The following OR14A16 variants were observed in gnomAD, a reference collection of about 807,000 sequenced individuals.
The protein encoded by OR14A16 is olfactory receptor 14A16.
For missense variants in OR14A16, 341 were observed against 366.5 expected, an observed-to-expected ratio of 0.93 and a Z score of 0.57; for synonymous variants, 135 against 137.6, an observed-to-expected ratio of 0.98 and a Z score of 0.13.
Position 247,815,190 on chromosome 1 carries a change from G to A in OR14A16, c.540C>T (p.Pro180=). 6.2e-7 allele frequency: 1 copy of A among 1,613,900 alleles called. No individual in the cohort carries two copies. The highest frequency in any genetic ancestry group is 8.5e-7 in the Non-Finnish European group (1 of 1,179,828). The change falls in exon 3 of 3, where the codon CCC becomes CCT. Residue 180 remains proline (P), a synonymous_variant. Coordinates refer to ENST00000641093, the MANE Select transcript of OR14A16 (RefSeq NM_001001966.2). ...CTGAGCAAGAAATAGCTAATAACTGGGGAATGTCACAGAAGAACTGATGGA... is the reference window on the plus strand; with the variant it reads ...CTGAGCAAGAAATAGCTAATAACTGAGGAATGTCACAGAAGAACTGATGGA... ...NMVHQFFCDI[P]QLLAISCSEN... is the part of the protein sequence containing the mutation.
At position 247,815,169 on chromosome 1, in the gene OR14A16, G is replaced by T; in HGVS notation, c.561C>A (p.Cys187Ter). The change falls in exon 3 of 3, where the codon TGC becomes TGA. Residue 187 changes from cysteine to a stop codon, truncating the protein, a stop_gained. Transcript: ENST00000641093. LOFTEE classifies it low-confidence loss of function (END_TRUNC). ...CAATTTCTCTTATTAAATTTTCTGA[G>T]CAAGAAATAGCTAATAACTGGGGAA... ...CDIPQLLAIS[C>*]SENLIREIAL... 6.2e-7 allele frequency: 1 copy of T among 1,613,368 alleles called. No homozygotes were observed. Among genetic ancestry groups the T allele is most frequent in the Non-Finnish European group, 8.5e-7 (1 of 1,179,390 alleles).
At chr1:247,816,222 A>G (rs1291968337) in intron 2 of OR14A16, among the ~76,000 whole-genome samples, 1 of 152,208 alleles carries the variant, frequency 6.6e-6, no homozygotes, top group Non-Finnish European at 1.5e-5. Flanking sequence ...AATTCTAAAA[A>G]CAAAACTTAA....
rs201642586 is a variant in OR14A16, at chr1:247,815,535, A to G, written c.195T>C (p.Ser65=). The change falls in exon 3 of 3, where the codon TCT becomes TCC. Residue 65 remains serine (S), a synonymous_variant. Coordinates refer to ENST00000641093, the MANE Select transcript of OR14A16 (RefSeq NM_001001966.2). ...CTGAAATAAGGCAGAGATCCAAGAA[A>G]GATAGATTCTTCAAGAAGAAATACA... ...TPVYFFLKNL[S]FLDLCLISVT... The G allele has an allele frequency of 3.7e-6, 6 of 1,613,976 alleles. No homozygotes were observed. Among genetic ancestry groups the G allele is most frequent in the South Asian group, 1.1e-5 (1 of 91,080 alleles).
intron 1 of OR14A16, among the ~76,000 whole-genome samples, chr1:247,820,630 G>T (rs1171469008): frequency 6.6e-6 from 1 of 151,734 alleles, no homozygotes; most frequent in Non-Finnish European, 1.5e-5. Flanking sequence ...TGGATCACTT[G>T]AGGTCAGGAG....
chr1:247,815,005 T>C lies in OR14A16; in HGVS notation c.725A>G (p.His242Arg). ...GGAAAGAAATAACACAACCAGCAAG[T>C]GTGGAAGGCAAATAGAGTAGGCTTT... ...QSKAYSICLP[H>R]LLVVLFLSTG... Residue 242 changes from histidine to arginine, a missense_variant, in exon 3 of 3, where the codon CAC (histidine) becomes CGC (arginine). Coordinates refer to ENST00000641093, the MANE Select transcript of OR14A16 (RefSeq NM_001001966.2). 1 of 1,613,858 alleles carries C rather than the reference T, an allele frequency of 6.2e-7. No homozygotes were observed. Among genetic ancestry groups the C allele is most frequent in the Non-Finnish European group, 8.5e-7 (1 of 1,179,874 alleles).
intron 1 of OR14A16, among the ~76,000 whole-genome samples, chr1:247,822,517 G>A (rs12733713): frequency 0.15 from 22,117 of 151,928 alleles, 1,873 homozygotes; most frequent in Non-Finnish European, 0.19. Context: ...ACTTAGGGCT[G>A]CACCATCAGT....
intron 2 of OR14A16, among the ~76,000 whole-genome samples, chr1:247,818,499 T>G (rs956892980): frequency 1.3e-5 from 2 of 152,342 alleles, no homozygotes; most frequent in Non-Finnish European, 2.9e-5. Flanking sequence ...GTTGTGCATA[T>G]GCACAATGGA....
intron 1 of OR14A16, among the ~76,000 whole-genome samples, chr1:247,822,659 T>TC (rs1208118403): frequency 1.3e-5 from 2 of 152,212 alleles, no homozygotes; most frequent in Non-Finnish European, 2.9e-5. Context: ...AAATCCCCTC[T>TC]CATATATCCT....
In OR14A16 at chr1:247,815,657, G is replaced by T; in HGVS notation, c.73C>A (p.His25Asn). 6.2e-7 allele frequency: 1 copy of T among 1,610,494 alleles called. No individual in the cohort carries two copies. Among genetic ancestry groups the T allele is most frequent in the African/African-American group, 1.3e-5 (1 of 74,986 alleles). Residue 25 changes from histidine to asparagine, a missense_variant, in exon 3 of 3, where the codon CAT (histidine) becomes AAT (asparagine). His to Asn is a moderately conservative substitution (Grantham distance 68). Coordinates refer to ENST00000641093, the MANE Select transcript of OR14A16 (RefSeq NM_001001966.2). ...FSTNKNMCIL[H>N]SILFLLIYLC... The stretch of plus-strand genomic sequence containing the variant: ...TAAATCAACAAGAAGAGAATCGAAT[G>T]CAAAATGCACATATTTTTATTGGTA...
intron 1 of OR14A16, among the ~76,000 whole-genome samples, chr1:247,822,569 A>C (rs12756518): frequency 0.26 from 40,014 of 151,822 alleles, 5,669 homozygotes; most frequent in African/African-American, 0.36. Flanking sequence ...ATAATACCAG[A>C]TTCTCTGATC....
At chr1:247,818,362 A>T (rs1239225541) in intron 2 of OR14A16, among the ~76,000 whole-genome samples, 1 of 152,244 alleles carries the variant, frequency 6.6e-6, no homozygotes, top group Non-Finnish European at 1.5e-5. Flanking sequence ...AAACTACCAT[A>T]TGATCCAGCA....
chr1:247,822,005 C>T (rs1042749474), intron 1 of OR14A16, among the ~76,000 whole-genome samples: 1 of 151,990 alleles, frequency 6.6e-6, no homozygotes, highest in Non-Finnish European at 1.5e-5. Flanking sequence ...TTAACTTTAT[C>T]CACATTAAAT....
chr1:247,818,981 C>G (rs1236310894), intron 2 of OR14A16, 82 bp downstream of exon 2: 1 of 151,966 alleles, frequency 6.6e-6, no homozygotes, highest in Non-Finnish European at 1.5e-5. Flanking sequence ...ATATACACAT[C>G]TCTATGTACC....
At chr1:247,823,425 A>G (rs1443362638) in intron 1 of OR14A16, among the ~76,000 whole-genome samples, 1 of 152,150 alleles carries the variant, frequency 6.6e-6, no homozygotes. Flanking sequence ...TGAGCCCAGG[A>G]GGTTGAGGCT....
rs772013910 is a variant in OR14A16 at position 247,815,337 on chromosome 1, A to G, written c.393T>C (p.Asp131=). Residue 131 remains aspartate (D), a synonymous_variant, in exon 3 of 3, where the codon GAT becomes GAC. Transcript: ENST00000641093. Reference sequence around the variant, plus strand: ...CACAGGTGCTCCTGTCCATGATGACATCATAGTGCAGAGGGTGACATATAG... The same window carrying G: ...CACAGGTGCTCCTGTCCATGATGACGTCATAGTGCAGAGGGTGACATATAG... ...YTAICHPLHY[D]VIMDRSTCVQ... The G allele has an allele frequency of 5.0e-6, 8 of 1,614,116 alleles. No individual in the cohort carries two copies. Among genetic ancestry groups the G allele is most frequent in the Admixed American group, 3.3e-5 (2 of 60,026 alleles).
intron 1 of OR14A16, among the ~76,000 whole-genome samples, chr1:247,820,147 A>G (rs976214623): frequency 1.3e-5 from 2 of 152,108 alleles, no homozygotes; most frequent in African/African-American, 4.8e-5. Context: ...AGATTTTTGC[A>G]TCTGTGTTTA....
intron 2 of OR14A16, among the ~76,000 whole-genome samples, chr1:247,817,869 C>T (rs995839762): frequency 7.2e-5 from 11 of 151,876 alleles, no homozygotes; most frequent in African/African-American, 2.2e-4. Context: ...ATACATACTC[C>T]TCAACGAAGA....
chr1:247,818,506 T>C (rs1001931987), intron 2 of OR14A16, among the ~76,000 whole-genome samples: 2 of 152,178 alleles, frequency 1.3e-5, no homozygotes, highest in African/African-American at 4.8e-5. Flanking sequence ...ATATGCACAA[T>C]GGAGTATTAT....
At chr1:247,816,710 C>T (rs568337292) in intron 2 of OR14A16, among the ~76,000 whole-genome samples, 1 of 152,228 alleles carries the variant, frequency 6.6e-6, no homozygotes, top group Non-Finnish European at 1.5e-5. Context: ...GCCTGGGCAA[C>T]AGAGCGAGGC....
Sources: allele counts gnomAD v4.1 joint callset (sites outside exome capture counted in the v4.1 genomes callset), GRCh38; gene constraint gnomAD v4.1.1; transcripts MANE v1.5; gene names NCBI Gene and HGNC (gene_info 2026-07-23, HGNC 2026-07-21).